SLC2A9: variants seen among roughly 807,000 people sequenced by gnomAD.
SLC2A9 encodes the protein solute carrier family 2 member 9.
In SLC2A9, 39 loss-of-function variants were observed where a neutral mutation model predicts 50.6. That is an observed-to-expected ratio of 0.77 (90% CI 0.60 to 1.01). The LOEUF (loss-of-function observed/expected upper bound fraction) is 1.01, where lower values mean the gene tolerates loss of function less well. SLC2A9 is among the 50% of genes least tolerant of loss of function. SLC2A9 has a pLI of 0.00. For synonymous variants in SLC2A9, 324 were observed against 276.9 expected (o/e 1.17, Z -1.69); for missense variants, 686 against 677.6 (o/e 1.01, Z -0.14).
At chr4:9,773,413 C>A (rs552464949) in intron 1 of SLC2A9, among the ~76,000 whole-genome samples, 1 of 152,282 alleles carries the variant, frequency 6.6e-6, no homozygotes, top group South Asian at 2.1e-4. Flanking sequence ...GTGGGTGCAG[C>A]AAAACCCCAC....
At chr4:9,931,365 C>G (rs1162039095) in intron 6 of SLC2A9, among the ~76,000 whole-genome samples, 1 of 152,178 alleles carries the variant, frequency 6.6e-6, no homozygotes, top group East Asian at 1.9e-4. Context: ...TGTAGCATGG[C>G]AAACTCCTGG....
intron 10 of SLC2A9, among the ~76,000 whole-genome samples, chr4:9,852,444 G>A (rs921397878): frequency 6.6e-6 from 1 of 151,586 alleles, no homozygotes; most frequent in East Asian, 1.9e-4. Flanking sequence ...AGTAGAGACG[G>A]GGTTTCACCT....
At position 9,836,826 on chromosome 4, in the gene SLC2A9, G is replaced by A. The variant is rs148922822; in HGVS notation, c.1292-1818C>T. The stretch of plus-strand genomic sequence containing the variant: ...GGGAGGAGGCAATGGTTGTTTAGGG[G>A]GGCTCAGATCACGGCAGGTGAGATG... On this transcript the variant is annotated intron_variant, in intron 10 of 11. Coordinates refer to ENST00000264784, the MANE Select transcript of SLC2A9 (RefSeq NM_020041.3). 8.9e-3 allele frequency among the ~76,000 whole-genome samples: 1,349 copies of A among 152,296 alleles called. 18 individuals carry two copies. Among genetic ancestry groups the A allele is most frequent in the African/African-American group, 0.031 (1,277 of 41,572 alleles).
intron 3 of SLC2A9, among the ~76,000 whole-genome samples, chr4:9,815,885 T>C (rs979405977): frequency 3.9e-5 from 6 of 152,116 alleles, no homozygotes; most frequent in Non-Finnish European, 8.8e-5. Context: ...AAATAAAAAA[T>C]GAGGCCGGGC....
At chr4:9,957,630 C>T (rs1000640943) in intron 5 of SLC2A9, among the ~76,000 whole-genome samples, 2 of 152,126 alleles carry the variant, frequency 1.3e-5, no homozygotes, top group African/African-American at 4.8e-5. Context: ...AAAACAAGAA[C>T]AGGACTCCAT....
intron 3 of SLC2A9, among the ~76,000 whole-genome samples, chr4:9,800,657 A>G (rs1721275076): frequency 6.6e-6 from 1 of 152,222 alleles, no homozygotes; most frequent in Non-Finnish European, 1.5e-5. Flanking sequence ...ACGGATCAAA[A>G]TTATTCAGGA....
At chr4:9,874,432 C>A (rs1261536350) in intron 10 of SLC2A9, among the ~76,000 whole-genome samples, 1 of 152,184 alleles carries the variant, frequency 6.6e-6, no homozygotes, top group Admixed American at 6.5e-5. Flanking sequence ...TTACCCCACC[C>A]GTGAGCCAGT....
intron 10 of SLC2A9, among the ~76,000 whole-genome samples, chr4:9,846,750 T>C (rs75024060): frequency 6.9e-4 from 105 of 152,304 alleles, no homozygotes; most frequent in East Asian, 6.0e-3. Flanking sequence ...GAAAGCTCAA[T>C]TGTAATTTCA....
intron 3 of SLC2A9, among the ~76,000 whole-genome samples, chr4:9,793,355 G>T (rs563219259): frequency 7.2e-5 from 11 of 152,212 alleles, no homozygotes; most frequent in Non-Finnish European, 1.6e-4. Flanking sequence ...CCAACTCCCA[G>T]TTGACTGTCC....
intron 5 of SLC2A9, among the ~76,000 whole-genome samples, chr4:9,953,639 T>C (rs945509486): frequency 8.5e-5 from 13 of 152,218 alleles, no homozygotes; most frequent in Admixed American, 2.6e-4. Context: ...TGGTTGTTTT[T>C]TGAGACAGGG....
At chr4:9,906,823 A>G (rs543952272) in intron 8 of SLC2A9, among the ~76,000 whole-genome samples, 4 of 152,262 alleles carry the variant, frequency 2.6e-5, no homozygotes, top group Non-Finnish European at 5.9e-5. Context: ...GGTGCAGTCT[A>G]TAACTTGAGA....
chr4:9,867,920 C>T (rs2109462483), intron 10 of SLC2A9, among the ~76,000 whole-genome samples: 1 of 152,180 alleles, frequency 6.6e-6, no homozygotes, highest in East Asian at 1.9e-4. Flanking sequence ...ACATGCGTGC[C>T]CCCCCCACCC....
intron 1 of SLC2A9, among the ~76,000 whole-genome samples, chr4:10,033,827 A>G (rs1192905216): frequency 1.3e-5 from 2 of 152,220 alleles, no homozygotes; most frequent in Non-Finnish European, 2.9e-5. Flanking sequence ...TCCGAAATCC[A>G]GGGCGAGGGC....
chr4:9,958,831 G>C (rs1457199097), intron 5 of SLC2A9, among the ~76,000 whole-genome samples: 1 of 151,930 alleles, frequency 6.6e-6, no homozygotes, highest in Non-Finnish European at 1.5e-5. Flanking sequence ...GAACATCTGT[G>C]ATATACTTAA....
chr4:9,778,315 T>C (rs1717853310), downstream of SLC2A9, among the ~76,000 whole-genome samples: 1 of 152,140 alleles, frequency 6.6e-6, no homozygotes, highest in South Asian at 2.1e-4. Context: ...AGACGGGGTT[T>C]CACCATGTTG....
intron 5 of SLC2A9, among the ~76,000 whole-genome samples, chr4:9,958,766 C>G (rs909340067): frequency 3.3e-5 from 5 of 152,070 alleles, no homozygotes; most frequent in Admixed American, 1.3e-4. Flanking sequence ...CCAGAAAAGA[C>G]CCATTTAGAC....
chr4:9,979,134 C>T (rs74535554), intron 5 of SLC2A9, among the ~76,000 whole-genome samples: 6 of 152,094 alleles, frequency 3.9e-5, no homozygotes, highest in African/African-American at 1.2e-4. Flanking sequence ...ACAACCCATA[C>T]GTGGCTTTGA....
intron 3 of SLC2A9, among the ~76,000 whole-genome samples, chr4:9,994,440 G>A (rs1758254420): frequency 6.6e-6 from 1 of 152,012 alleles, no homozygotes; most frequent in Admixed American, 6.5e-5. Flanking sequence ...CAGCTGCTTG[G>A]GGCATAACAA....
At chr4:9,944,650 C>T (rs914740171) in intron 5 of SLC2A9, among the ~76,000 whole-genome samples, 3 of 152,066 alleles carry the variant, frequency 2.0e-5, no homozygotes, top group African/African-American at 7.2e-5. Context: ...GGGTGAACAG[C>T]GGAAAAGGTG....
Sources: allele counts gnomAD v4.1 joint callset (sites outside exome capture counted in the v4.1 genomes callset), GRCh38; gene constraint gnomAD v4.1.1; transcripts MANE v1.5; gene names NCBI Gene and HGNC (gene_info 2026-07-23, HGNC 2026-07-21).